Variants in FBXL7 observed in about 807,000 individuals in gnomAD.
The protein encoded by FBXL7 is F-box and leucine rich repeat protein 7.
Under a neutral mutation model 38.3 loss-of-function variants are expected in FBXL7, and 12 were observed. That is an observed-to-expected ratio of 0.31 (90% confidence interval 0.20 to 0.51). The LOEUF (loss-of-function observed/expected upper bound fraction) is 0.51. FBXL7 is among the 20% of genes least tolerant of loss of function. The pLI is 0.98. For synonymous variants in FBXL7, 297 were observed against 300.9 expected, an observed-to-expected ratio of 0.99 and a Z score of 0.13; for missense variants, 567 against 676.4, an observed-to-expected ratio of 0.84 and a Z score of 1.79.
intron 1 of FBXL7, among the ~76,000 whole-genome samples, chr5:15,559,825 A>G (rs556673170): frequency 2.6e-5 from 4 of 152,338 alleles, no homozygotes; most frequent in Admixed American, 6.5e-5. Context: ...TCAGTACTGA[A>G]TAGTGTAATG....
At chr5:15,895,763 C>T (rs1392172671) in intron 2 of FBXL7, among the ~76,000 whole-genome samples, 1 of 150,794 alleles carries the variant, frequency 6.6e-6, no homozygotes, top group Non-Finnish European at 1.5e-5. Flanking sequence ...CCTGCCTCAG[C>T]CTCCCTAGTA....
chr5:15,875,565 CAAA>C (rs1561167045), intron 2 of FBXL7, among the ~76,000 whole-genome samples: 1 of 151,920 alleles, frequency 6.6e-6, no homozygotes, highest in African/African-American at 2.4e-5. Context: ...AAGAAAAAAA[CAAA>C]AAACCCCATC....
At chr5:15,613,806 T>C (rs548349257) in intron 1 of FBXL7, among the ~76,000 whole-genome samples, 1 of 152,318 alleles carries the variant, frequency 6.6e-6, no homozygotes, top group South Asian at 2.1e-4. Context: ...TATAACCAAA[T>C]ACCATAGACT....
intron 2 of FBXL7, among the ~76,000 whole-genome samples, chr5:15,617,143 G>A (rs1363559668): frequency 2.6e-5 from 4 of 152,192 alleles, no homozygotes; most frequent in Non-Finnish European, 5.9e-5. Flanking sequence ...TCTTTGATAT[G>A]TTTTGTCTTA....
chr5:15,656,214 A>G (rs1412842561), intron 2 of FBXL7, among the ~76,000 whole-genome samples: 1 of 152,232 alleles, frequency 6.6e-6, no homozygotes, highest in East Asian at 1.9e-4. Context: ...GTTTAGGCCT[A>G]GTTCAAAATA....
At chr5:15,515,016 G>A (rs556025667) in intron 1 of FBXL7, among the ~76,000 whole-genome samples, 1 of 152,216 alleles carries the variant, frequency 6.6e-6, no homozygotes, top group South Asian at 2.1e-4. Context: ...GTGATCCCAC[G>A]GGTATTTTCC....
At chr5:15,568,862 C>T (rs1220403361) in intron 1 of FBXL7, among the ~76,000 whole-genome samples, 2 of 152,014 alleles carry the variant, frequency 1.3e-5, no homozygotes, top group East Asian at 3.9e-4. Context: ...TTCCCCATTT[C>T]TTGTTTTTCT....
intron 2 of FBXL7, among the ~76,000 whole-genome samples, chr5:15,635,927 T>C (rs1168176395): frequency 1.4e-5 from 2 of 148,066 alleles, no homozygotes; most frequent in African/African-American, 5.0e-5. Context: ...TTTTTTTTTT[T>C]CTAGCAGCTT....
At chr5:15,820,438 T>G (rs572977173) in intron 2 of FBXL7, among the ~76,000 whole-genome samples, 1 of 152,250 alleles carries the variant, frequency 6.6e-6, no homozygotes, top group East Asian at 1.9e-4. Context: ...GGCCTTTTAC[T>G]TTTCTTATAT....
At chr5:15,905,220 C>T (rs1441584769) in intron 2 of FBXL7, among the ~76,000 whole-genome samples, 2 of 152,228 alleles carry the variant, frequency 1.3e-5, no homozygotes, top group African/African-American at 2.4e-5. Flanking sequence ...ATGCTTGCTT[C>T]CTTCAAATGA....
intron 2 of FBXL7, among the ~76,000 whole-genome samples, chr5:15,772,583 A>G (rs1488026357): frequency 6.6e-6 from 1 of 152,202 alleles, no homozygotes; most frequent in East Asian, 1.9e-4. Context: ...AACTTGGGCT[A>G]GTTACTTAGA....
intron 2 of FBXL7, among the ~76,000 whole-genome samples, chr5:15,906,234 T>C (rs1021377685): frequency 6.6e-6 from 1 of 152,090 alleles, no homozygotes; most frequent in African/African-American, 2.4e-5. Context: ...CAATGCTATG[T>C]TATATAGTTA....
chr5:15,769,225 G>A (rs1350020856), intron 2 of FBXL7, among the ~76,000 whole-genome samples: 1 of 152,128 alleles, frequency 6.6e-6, no homozygotes, highest in Non-Finnish European at 1.5e-5. Flanking sequence ...ATTCTATTCT[G>A]CATTGGAATC....
intron 2 of FBXL7, among the ~76,000 whole-genome samples, chr5:15,619,392 G>C (rs189272863): frequency 6.6e-6 from 1 of 152,178 alleles, no homozygotes; most frequent in Non-Finnish European, 1.5e-5. Flanking sequence ...TAGTTGGGGT[G>C]GGATGGGAAG....
At chr5:15,895,167 A>G (rs932489746) in intron 2 of FBXL7, among the ~76,000 whole-genome samples, 1 of 152,206 alleles carries the variant, frequency 6.6e-6, no homozygotes, top group South Asian at 2.1e-4. Flanking sequence ...AGTAGTGGCA[A>G]AAACCTCAAT....
chr5:15,933,646 G>C (rs1579614809), intron 3 of FBXL7, among the ~76,000 whole-genome samples: 1 of 152,188 alleles, frequency 6.6e-6, no homozygotes, highest in East Asian at 1.9e-4. Context: ...TCCATTTTTG[G>C]AGTGTGTGCT....
At chr5:15,823,764 C>T (rs1005897149) in intron 2 of FBXL7, among the ~76,000 whole-genome samples, 1 of 152,072 alleles carries the variant, frequency 6.6e-6, no homozygotes, top group African/African-American at 2.4e-5. Flanking sequence ...ACAAAGATGC[C>T]ACTCCAAGGA....
chr5:15,791,653 C>T (rs1737279898), intron 2 of FBXL7, among the ~76,000 whole-genome samples: 1 of 152,182 alleles, frequency 6.6e-6, no homozygotes, highest in African/African-American at 2.4e-5. Context: ...AGGAGAGATA[C>T]TCCTGGGGCA....
intron 2 of FBXL7, among the ~76,000 whole-genome samples, chr5:15,828,103 C>A (rs191893957): frequency 1.2e-4 from 19 of 152,268 alleles, no homozygotes; most frequent in African/African-American, 4.1e-4. Context: ...TGTTTGATTC[C>A]TCTGTGCTTC....
Sources: gnomAD v4.1 joint callset for allele counts (sites outside exome capture counted in the v4.1 genomes callset) on GRCh38, gnomAD v4.1.1 for gene constraint, MANE v1.5 for transcripts, NCBI Gene and HGNC (gene_info 2026-07-23, HGNC 2026-07-21) for gene names.